The following LDLRAD4 variants were observed in gnomAD, a reference collection of about 807,000 sequenced individuals.
LDLRAD4 encodes low density lipoprotein receptor class A domain containing 4, also known as low-density lipoprotein receptor class A domain-containing protein 4.
LDLRAD4 carries 5 observed loss-of-function variants against 17.0 expected under a neutral mutation model. The ratio of observed to expected loss-of-function variants is 0.29; its 90% CI spans 0.15 to 0.62. LDLRAD4 has a LOEUF of 0.62. LDLRAD4 is among the 20% of genes least tolerant of loss of function. The pLI is 0.84. For synonymous variants in LDLRAD4, 168 were observed against 171.8 expected (o/e 0.98, Z 0.17); for missense variants, 340 against 424.7 (o/e 0.80, Z 1.75).
chr18:13,574,919 C>T (rs925842656), intron 3 of LDLRAD4, among the ~76,000 whole-genome samples: 2 of 152,208 alleles, frequency 1.3e-5, no homozygotes, highest in African/African-American at 4.8e-5. Context: ...CCATACGTCT[C>T]CTCCTTACAG....
chr18:13,590,071 G>C (rs1217596279), intron 3 of LDLRAD4, among the ~76,000 whole-genome samples: 1 of 151,242 alleles, frequency 6.6e-6, no homozygotes, highest in African/African-American at 2.4e-5. Flanking sequence ...CTGCATGTGT[G>C]TGGGTGTGCA....
At chr18:13,327,045 G>A (rs1035895457) in intron 1 of LDLRAD4, among the ~76,000 whole-genome samples, 2 of 152,084 alleles carry the variant, frequency 1.3e-5, no homozygotes, top group African/African-American at 4.8e-5. Flanking sequence ...GTCTCCCTTT[G>A]CTTTGGGAAC....
At chr18:13,235,765 G>A (rs1316521194) in intron 1 of LDLRAD4, among the ~76,000 whole-genome samples, 1 of 152,184 alleles carries the variant, frequency 6.6e-6, no homozygotes, top group African/African-American at 2.4e-5. Context: ...TGCCCCTGGG[G>A]GAAGTGCACA....
chr18:13,360,456 T>C (rs2083596673), intron 1 of LDLRAD4, among the ~76,000 whole-genome samples: 1 of 152,236 alleles, frequency 6.6e-6, no homozygotes, highest in Non-Finnish European at 1.5e-5. Context: ...GTTTTCACTC[T>C]CAGTGCTGTT....
At chr18:13,639,897 C>T (rs2148957403) in intron 4 of LDLRAD4, among the ~76,000 whole-genome samples, 1 of 152,262 alleles carries the variant, frequency 6.6e-6, no homozygotes, top group South Asian at 2.1e-4. Context: ...TTATGTTATA[C>T]TCTGTGAAGA....
At chr18:13,559,824 G>A (rs886529220) in intron 3 of LDLRAD4, among the ~76,000 whole-genome samples, 1 of 152,148 alleles carries the variant, frequency 6.6e-6, no homozygotes, top group Non-Finnish European at 1.5e-5. Context: ...AGGAGTTGGC[G>A]GGAGATCTCT....
intron 1 of LDLRAD4, among the ~76,000 whole-genome samples, chr18:13,334,956 A>AT (rs2082035170): frequency 6.6e-6 from 1 of 152,200 alleles, no homozygotes; most frequent in Non-Finnish European, 1.5e-5. Flanking sequence ...GCTCATTTAC[A>AT]TTATTGATAT....
In LDLRAD4 at chr18:13,612,806, C is replaced by T. The variant is rs2039725080; in HGVS notation, c.182-8311C>T. On this transcript the variant is annotated intron_variant, in intron 3 of 5. Transcript: ENST00000359446. ...TTCCCAAGAACTGCTATGGATGATG[C>T]ATGCTCTTTCGGGTTTGCTGTGGTT... 6 of 1,613,036 alleles carry T rather than the reference C, an allele frequency of 3.7e-6. No individual in the cohort carries two copies. The East Asian group carries it at 1.3e-4, about 36-fold the overall frequency.
At chr18:13,424,257 G>A (rs2089742151) in intron 2 of LDLRAD4, among the ~76,000 whole-genome samples, 2 of 152,292 alleles carry the variant, frequency 1.3e-5, no homozygotes, top group African/African-American at 4.8e-5. Context: ...ATATTTAATG[G>A]CTTTACACGA....
chr18:13,524,403 G>A (rs1292707467), intron 3 of LDLRAD4, among the ~76,000 whole-genome samples: 1 of 152,160 alleles, frequency 6.6e-6, no homozygotes, highest in Non-Finnish European at 1.5e-5. Flanking sequence ...TTAATAAAAT[G>A]AAGTTAGTTG....
chr18:13,365,909 G>A (rs983657304), intron 1 of LDLRAD4, among the ~76,000 whole-genome samples: 1 of 152,084 alleles, frequency 6.6e-6, no homozygotes, highest in African/African-American at 2.4e-5. Context: ...GAGTAGCTGG[G>A]ATTACAGGCG....
At chr18:13,267,717 G>A (rs1049372031) in intron 1 of LDLRAD4, among the ~76,000 whole-genome samples, 3 of 152,174 alleles carry the variant, frequency 2.0e-5, no homozygotes, top group Middle Eastern at 3.2e-3. Context: ...CTGGGGCCCC[G>A]CATTCTGGCT....
At chr18:13,642,420 G>C in intron 4 of LDLRAD4, 1 of 1,145,696 alleles carries the variant, frequency 8.7e-7, no homozygotes, top group Non-Finnish European at 1.1e-6. Context: ...GCACGCGTGG[G>C]GCCTTGGAAA....
chr18:13,652,483 G>T (rs1429579502), exon 6 of LDLRAD4: 1 of 152,618 alleles, frequency 6.6e-6, no homozygotes, highest in Non-Finnish European at 1.5e-5. Flanking sequence ...ATAATCAAAA[G>T]TCATTAAAGT....
chr18:13,245,170 G>GGGCAGGAGTCATCCTGAGTC (rs2042894178), intron 1 of LDLRAD4, among the ~76,000 whole-genome samples: 2 of 152,172 alleles, frequency 1.3e-5, no homozygotes, highest in Non-Finnish European at 2.9e-5. Context: ...TGGAGCTCGT[G>GGGCAGGAGTCATCCTGAGTC]GGCAGGAGTC....
chr18:13,387,654 A>G lies in LDLRAD4; in HGVS notation c.-69A>G. On this transcript the variant is annotated 5_prime_UTR_variant, in exon 2 of 6. An upstream open reading frame in the 5' UTR loses its in-frame stop. Coordinates refer to ENST00000359446, the Ensembl canonical transcript of LDLRAD4. Reference sequence around the variant, plus strand: ...GACAGGCTAAGATGGAAGTGACCTGAGCCTCGCCCGGCGGCTTCCTCGACG... The same window carrying G: ...GACAGGCTAAGATGGAAGTGACCTGGGCCTCGCCCGGCGGCTTCCTCGACG... 7.0e-7 allele frequency: 1 copy of G among 1,432,156 alleles called. No individual in the cohort carries two copies. Among genetic ancestry groups the G allele is most frequent in the Non-Finnish European group, 9.8e-7 (1 of 1,016,924 alleles). The allele number at this position is 1,432,156 out of a possible 1,614,324, so 88.7% of individuals were successfully genotyped here.
At chr18:13,438,470 G>T in intron 3 of LDLRAD4, 86 bp downstream of exon 4, 1 of 1,084,400 alleles carries the variant, frequency 9.2e-7, no homozygotes, top group East Asian at 2.4e-5. Context: ...ATGGGAAGGA[G>T]GTTGTTTTCT....
At chr18:13,284,667 C>T (rs1424180529) in intron 1 of LDLRAD4, among the ~76,000 whole-genome samples, 1 of 152,128 alleles carries the variant, frequency 6.6e-6, no homozygotes, top group Non-Finnish European at 1.5e-5. Context: ...GAAAATTTGG[C>T]TTTGAGGATT....
intron 4 of LDLRAD4, among the ~76,000 whole-genome samples, chr18:13,638,630 T>C (rs1055836585): frequency 6.6e-6 from 1 of 152,238 alleles, no homozygotes; most frequent in Admixed American, 6.5e-5. Flanking sequence ...CTCAGTGCGA[T>C]GTGGGTCTCA....
Sources: gnomAD v4.1 joint callset for allele counts (sites outside exome capture counted in the v4.1 genomes callset) on GRCh38, gnomAD v4.1.1 for gene constraint, MANE v1.5 for transcripts, NCBI Gene and HGNC (gene_info 2026-07-23, HGNC 2026-07-21) for gene names.